Variants in FBXL17 observed in about 807,000 individuals in gnomAD.
FBXL17 encodes the protein F-box/LRR-repeat protein 17.
A neutral mutation model predicts 66.2 loss-of-function variants in FBXL17; 22 were observed. That is an observed-to-expected ratio of 0.33 (90% CI 0.24 to 0.47). The LOEUF is 0.47. Ranked by LOEUF, FBXL17 falls within the 20% of genes least tolerant of loss-of-function variation. FBXL17 has a pLI of 1.00. For missense variants in FBXL17, 878 were observed against 948.2 expected (o/e 0.93, Z 0.97); for synonymous variants, 474 against 400.5 (o/e 1.18, Z -2.19).
intron 7 of FBXL17, among the ~76,000 whole-genome samples, chr5:107,997,015 G>C (rs976468569): frequency 1.3e-5 from 2 of 152,206 alleles, no homozygotes; most frequent in African/African-American, 4.8e-5. Context: ...CTTATAACCA[G>C]TTAATATCAG....
intron 8 of FBXL17, among the ~76,000 whole-genome samples, chr5:107,865,973 A>G (rs1311947661): frequency 6.6e-6 from 1 of 152,222 alleles, no homozygotes; most frequent in African/African-American, 2.4e-5. Context: ...GCCTACATGC[A>G]CATTCCTGCA....
intron 7 of FBXL17, among the ~76,000 whole-genome samples, chr5:107,953,576 T>C (rs1038275700): frequency 6.6e-6 from 1 of 152,112 alleles, no homozygotes; most frequent in Non-Finnish European, 1.5e-5. Flanking sequence ...ATCTCATTTG[T>C]TCTCTTGTAT....
intron 4 of FBXL17, among the ~76,000 whole-genome samples, chr5:108,249,222 A>C (rs1203590925): frequency 1.3e-5 from 2 of 152,064 alleles, no homozygotes; most frequent in Non-Finnish European, 2.9e-5. Flanking sequence ...TAACCCTCTG[A>C]CCCTGCAACC....
intron 6 of FBXL17, among the ~76,000 whole-genome samples, chr5:108,063,274 T>G (rs1371342308): frequency 6.6e-6 from 1 of 152,176 alleles, no homozygotes; most frequent in Admixed American, 6.5e-5. Context: ...GAAATGACAG[T>G]GGCAGTCTTA....
intron 7 of FBXL17, among the ~76,000 whole-genome samples, chr5:107,968,946 A>G (rs1752257293): frequency 6.6e-6 from 1 of 152,156 alleles, no homozygotes; most frequent in South Asian, 2.1e-4. Context: ...CCCCAAAAAA[A>G]CCCAAGAAAG....
At chr5:108,187,530 A>T (rs968156862) in intron 5 of FBXL17, among the ~76,000 whole-genome samples, 41 of 152,142 alleles carry the variant, frequency 2.7e-4, no homozygotes, top group African/African-American at 9.7e-4. Context: ...ATGGAAGATA[A>T]CAGGAGATGT....
chr5:108,317,406 A>G (rs1335872765), intron 4 of FBXL17, among the ~76,000 whole-genome samples: 1 of 150,890 alleles, frequency 6.6e-6, no homozygotes. Flanking sequence ...GAGGGGATGC[A>G]TATCCCAACT....
At chr5:108,260,082 T>C (rs1756748024) in intron 4 of FBXL17, among the ~76,000 whole-genome samples, 1 of 151,658 alleles carries the variant, frequency 6.6e-6, no homozygotes, top group Non-Finnish European at 1.5e-5. Context: ...CAGCCTAATT[T>C]GGGAGGAAAC....
intron 6 of FBXL17, among the ~76,000 whole-genome samples, chr5:108,055,305 A>C (rs1580380139): frequency 3.3e-5 from 1 of 30,582 alleles, no homozygotes; most frequent in African/African-American, 1.7e-4. Context: ...AAAAAAAAAA[A>C]AAAAAAAAGA....
At chr5:107,880,561 G>A in intron 8 of FBXL17, 1 of 1,017,262 alleles carries the variant, frequency 9.8e-7, no homozygotes. Flanking sequence ...CCCCTTACTG[G>A]CCCTTTGTTG....
chr5:108,102,300 A>G (rs1007804740), intron 6 of FBXL17, among the ~76,000 whole-genome samples: 1 of 152,188 alleles, frequency 6.6e-6, no homozygotes, highest in East Asian at 1.9e-4. Flanking sequence ...TCAAATTAAG[A>G]ATATAACTTA....
intron 1 of FBXL17, among the ~76,000 whole-genome samples, chr5:108,368,780 G>A (rs565864918): frequency 2.0e-5 from 3 of 152,026 alleles, no homozygotes; most frequent in Non-Finnish European, 4.4e-5. Flanking sequence ...AAAATCAGGG[G>A]AAGTAAACAA....
chr5:108,342,722 T>G (rs1199961191), intron 4 of FBXL17, among the ~76,000 whole-genome samples: 2 of 152,148 alleles, frequency 1.3e-5, no homozygotes, highest in African/African-American at 4.8e-5. Context: ...CTGGTAAAAT[T>G]GGATAAAAAT....
chr5:108,292,259 T>A (rs535287872), intron 4 of FBXL17, among the ~76,000 whole-genome samples: 29 of 151,982 alleles, frequency 1.9e-4, no homozygotes, highest in Non-Finnish European at 3.5e-4. Context: ...GTAGCTGGGA[T>A]TACAGGCACA....
chr5:108,005,483 C>G (rs1313333969), intron 7 of FBXL17, among the ~76,000 whole-genome samples: 1 of 152,090 alleles, frequency 6.6e-6, no homozygotes, highest in South Asian at 2.1e-4. Flanking sequence ...CATATAGAAT[C>G]GTTTTTACAT....
intron 5 of FBXL17, among the ~76,000 whole-genome samples, chr5:108,214,727 C>A (rs546882840): frequency 2.5e-4 from 38 of 152,112 alleles, no homozygotes; most frequent in African/African-American, 8.7e-4. Context: ...TTTGTCTAAC[C>A]CAAGATCACA....
intron 4 of FBXL17, among the ~76,000 whole-genome samples, chr5:108,338,741 C>T (rs892900716): frequency 4.3e-4 from 2 of 4,624 alleles, no homozygotes; most frequent in African/African-American, 2.9e-3. Flanking sequence ...ATATAGTCAA[C>T]AACAACAACA....
intron 8 of FBXL17, among the ~76,000 whole-genome samples, chr5:107,871,729 C>T (rs948238945): frequency 8.8e-5 from 13 of 147,220 alleles, no homozygotes; most frequent in African/African-American, 2.0e-4. Flanking sequence ...ACCAATGGTT[C>T]GGCAAATGAT....
chr5:108,296,229 G>A (rs923449283), intron 4 of FBXL17, among the ~76,000 whole-genome samples: 3 of 151,796 alleles, frequency 2.0e-5, no homozygotes, highest in Admixed American at 1.3e-4. Context: ...TAGAACACTA[G>A]GAAGAAGTGA....
Sources: allele counts gnomAD v4.1 joint callset (sites outside exome capture counted in the v4.1 genomes callset), GRCh38; gene constraint gnomAD v4.1.1; transcripts MANE v1.5; gene names NCBI Gene and HGNC (gene_info 2026-07-23, HGNC 2026-07-21).